Variants in SCN9A observed in about 807,000 individuals in gnomAD.
SCN9A encodes sodium channel protein type 9 subunit alpha.
Under a neutral mutation model 187.0 loss-of-function variants are expected in SCN9A, and 131 were observed. The observed-to-expected ratio is 0.70, with a 90% CI of 0.61 to 0.81. The LOEUF is 0.81. Among genes scored for constraint, SCN9A ranks in the 30% least tolerant of loss-of-function variants. The pLI is 0.00. For synonymous variants in SCN9A, 809 were observed against 808.6 expected, an observed-to-expected ratio of 1.00 and a Z score of -0.01; for missense variants, 2,252 against 2,396.6, an observed-to-expected ratio of 0.94 and a Z score of 1.26.
intron 2 of SCN9A, among the ~76,000 whole-genome samples, 170 bp downstream of exon 2, chr2:166,311,328 TC>T (rs1698937416): frequency 2.8e-5 from 1 of 35,750 alleles, no homozygotes; most frequent in Non-Finnish European, 5.3e-5. Flanking sequence ...ATTCTGAATA[TC>T]CTATATATAT....
chr2:166,314,547 A>G (rs900128999), intron 1 of SCN9A, among the ~76,000 whole-genome samples: 3 of 152,244 alleles, frequency 2.0e-5, no homozygotes, highest in African/African-American at 7.2e-5. Context: ...GCCAAAAAGT[A>G]AACACAACCT....
intron 1 of SCN9A, among the ~76,000 whole-genome samples, chr2:166,323,750 G>T (rs774589810): frequency 1.3e-5 from 2 of 151,794 alleles, no homozygotes; most frequent in Non-Finnish European, 1.5e-5. Context: ...ATATAATTTT[G>T]TAATATGTTG....
chr2:166,302,898 C>A, intron 7 of SCN9A, 192 bp downstream of exon 7: 1 of 523,670 alleles, frequency 1.9e-6, no homozygotes, highest in Non-Finnish European at 3.4e-6. Context: ...TTTGCCAGTA[C>A]TGCTAGATAG....
Position 166,305,815 on chromosome 2 carries a change from C to T in SCN9A, c.573G>A (p.Leu191=). 1 of 1,613,138 alleles carries T rather than the reference C, an allele frequency of 6.2e-7. No homozygotes were observed. The highest frequency in any genetic ancestry group is 2.2e-5 in the East Asian group (1 of 44,844). Reference sequence around the variant, plus strand: ...ACGCAAAAACAATGACGACAAAATCCAGCCAGTTCCACGGGTCACGAAGAA... The same window carrying T: ...ACGCAAAAACAATGACGACAAAATCTAGCCAGTTCCACGGGTCACGAAGAA... ...FTFLRDPWNW[L]DFVVIVFAYL... The change falls in exon 5 of 27, where the codon CTG becomes CTA. Residue 191 remains leucine (L), a synonymous_variant. Transcript: ENST00000642356.
In SCN9A at chr2:166,306,604, C is replaced by T; in HGVS notation, c.378-5G>A. The T allele has an allele frequency of 6.4e-7, 1 of 1,554,816 alleles. No homozygotes were observed. On this transcript the variant is annotated splice_region_variant and splice_polypyrimidine_tract_variant and intron_variant, in intron 3 of 26. Coordinates refer to ENST00000642356, the MANE Select transcript of SCN9A (RefSeq NM_001365536.1). ...ATGATGAGCATGCTGAATAAGGTAG[C>T]TTAGAATCAAGGAACAAAAGAGACG...
chr2:166,335,998 T>C (rs1471444813), intron 1 of SCN9A, among the ~76,000 whole-genome samples: 1 of 152,128 alleles, frequency 6.6e-6, no homozygotes, highest in Non-Finnish European at 1.5e-5. Flanking sequence ...ATTTAAAGTA[T>C]ACGGTAGGAT....
intron 1 of SCN9A, among the ~76,000 whole-genome samples, chr2:166,351,728 C>T (rs1700037652): frequency 6.6e-6 from 1 of 152,094 alleles, no homozygotes; most frequent in South Asian, 2.1e-4. Context: ...GTCTTTAGAG[C>T]CAAGTGCCCA....
In SCN9A at chr2:166,340,444, A is replaced by G. The variant is rs560998810; in HGVS notation, c.-50-28638T>C. On this transcript the variant is annotated intron_variant, in intron 1 of 26. Coordinates refer to ENST00000642356, the MANE Select transcript of SCN9A (RefSeq NM_001365536.1). ...ATCAGGCTTCTAATCGTTAAGACTT[A>G]GTCCTCTAATCATATCACAACGTTT... 3.3e-5 allele frequency among the ~76,000 whole-genome samples: 5 copies of G among 152,022 alleles called. 1 individual carries two copies. The South Asian group carries it at 1.0e-3, about 32-fold the overall frequency.
At chr2:166,315,250 TACATTCA>T (rs976076101) in intron 1 of SCN9A, among the ~76,000 whole-genome samples, 29 of 152,300 alleles carry the variant, frequency 1.9e-4, no homozygotes, top group Middle Eastern at 3.4e-3. Context: ...TTGTAGATTC[TACATTCA>T]ACTGGAGGGT....
intron 22 of SCN9A, among the ~76,000 whole-genome samples, chr2:166,228,249 T>A (rs1045027248): frequency 9.3e-6 from 1 of 107,208 alleles, no homozygotes; most frequent in Non-Finnish European, 2.0e-5. Context: ...GACCAACACT[T>A]TTTTTTTTTT....
intron 18 of SCN9A, among the ~76,000 whole-genome samples, chr2:166,246,851 C>T (rs1051342787): frequency 6.6e-6 from 1 of 151,848 alleles, no homozygotes; most frequent in Admixed American, 6.6e-5. Context: ...AAATATTGCC[C>T]TCAGGGTTTA....
At position 166,195,900 on chromosome 2, in the gene SCN9A, T is replaced by G. The variant is rs928347312; in HGVS notation, c.*2772A>C. 2.6e-5 allele frequency: 4 copies of G among 151,942 alleles called. No individual in the cohort carries two copies. Among genetic ancestry groups the G allele is most frequent in the Admixed American group, 2.6e-4 (4 of 15,244 alleles). 9.4% of individuals were successfully genotyped at this position (151,942 alleles called of 1,614,324 possible). A position where few individuals can be genotyped will look rare whatever the true frequency, so the allele number is the denominator to read the frequency against. On this transcript the variant is annotated 3_prime_UTR_variant, in exon 27 of 27. Transcript: ENST00000642356. ...CCCTTATCTACAAAAATTTAAATATTAGCCAGGCATGGTGGCATGTACCTG... is the reference window on the plus strand; with the variant it reads ...CCCTTATCTACAAAAATTTAAATATGAGCCAGGCATGGTGGCATGTACCTG...
intron 17 of SCN9A, among the ~76,000 whole-genome samples, chr2:166,272,098 A>C (rs1697017850): frequency 6.6e-6 from 1 of 152,090 alleles, no homozygotes; most frequent in Non-Finnish European, 1.5e-5. Flanking sequence ...TCAAACAGGC[A>C]CTGTGGAGGG....
At position 166,197,843 on chromosome 2, in the gene SCN9A, C is replaced by T. The variant is rs200748086; in HGVS notation, c.*829G>A. ...ATGTAAATAATAGCAAATAGAACTT[C>T]TGTCAATAACTTTTTTCTCAGTTAT... On this transcript the variant is annotated 3_prime_UTR_variant, in exon 27 of 27. Coordinates refer to ENST00000642356, the MANE Select transcript of SCN9A (RefSeq NM_001365536.1). 6.6e-6 allele frequency: 1 copy of T among 152,058 alleles called. No homozygotes were observed. The highest frequency in any genetic ancestry group is 1.5e-5 in the Non-Finnish European group (1 of 67,992). 9.4% of individuals were successfully genotyped at this position (152,058 alleles called of 1,614,324 possible).
intron 1 of SCN9A, among the ~76,000 whole-genome samples, chr2:166,364,429 A>C (rs933087986): frequency 3.9e-5 from 6 of 152,174 alleles, no homozygotes; most frequent in African/African-American, 1.2e-4. Context: ...AAACAACCCA[A>C]ATGTCTATCA....
intron 1 of SCN9A, among the ~76,000 whole-genome samples, chr2:166,340,540 C>CTTTCTTTCTTTTCCTTCCTTCCCTCTCT (rs1559050808): frequency 9.0e-6 from 1 of 111,262 alleles, no homozygotes; most frequent in Non-Finnish European, 1.8e-5. Flanking sequence ...TCTTTTCTTT[C>CTTTCTTTCTTTTCCTTCCTTCCCTCTCT]CCTTTCTTTC....
rs112927502 is a variant in SCN9A, at chr2:166,204,478, C to A, written c.4399-14G>T. 8.2e-4 allele frequency: 504 copies of A among 611,678 alleles called. 5 individuals carry two copies. In the East Asian group the frequency reaches 0.014, roughly 17 times the overall value. 37.9% of individuals were successfully genotyped at this position (611,678 alleles called of 1,614,324 possible). A position where few individuals can be genotyped will look rare whatever the true frequency, so the allele number is the denominator to read the frequency against. On this transcript the variant is annotated splice_polypyrimidine_tract_variant and intron_variant, in intron 24 of 26. Coordinates refer to ENST00000642356, the MANE Select transcript of SCN9A (RefSeq NM_001365536.1). ...TTGACCTCCAAGGTAAAGAAACAAA[C>A]AAAAAATAAATGTAGTTAAAACCAG... is the stretch of plus-strand genomic sequence containing the variant.
chr2:166,204,331 A>G (rs201853439), intron 25 of SCN9A, 29 bp downstream of exon 25: 4 of 1,570,078 alleles, frequency 2.5e-6, no homozygotes, highest in East Asian at 2.2e-5. Flanking sequence ...TTGAAAATCT[A>G]TATGCTAAAG....
chr2:166,354,756 C>T (rs920996536), intron 1 of SCN9A, among the ~76,000 whole-genome samples: 9 of 152,072 alleles, frequency 5.9e-5, no homozygotes, highest in Non-Finnish European at 2.9e-5. Context: ...CAGGGAGAAG[C>T]TATACTGAAA....
Sources: allele counts gnomAD v4.1 joint callset (sites outside exome capture counted in the v4.1 genomes callset), GRCh38; gene constraint gnomAD v4.1.1; transcripts MANE v1.5; gene names NCBI Gene and HGNC (gene_info 2026-07-23, HGNC 2026-07-21).